The following FAM135B variants were observed in gnomAD, a reference collection of about 807,000 sequenced individuals.
The protein encoded by FAM135B is protein FAM135B.
In FAM135B, 43 loss-of-function variants were observed where a neutral mutation model predicts 127.7. The ratio of observed to expected loss-of-function variants is 0.34; its 90% CI spans 0.26 to 0.43. The LOEUF is 0.43. FAM135B is among the 20% of genes least tolerant of loss of function. The pLI is 1.00. For synonymous variants in FAM135B, 670 were observed against 665.1 expected (o/e 1.01, Z -0.11); for missense variants, 1,558 against 1,725.6 (o/e 0.90, Z 1.72).
chr8:138,450,751 C>T (rs1382949793), intron 1 of FAM135B: 1 of 152,094 alleles, frequency 6.6e-6, no homozygotes, highest in Non-Finnish European at 1.5e-5. Context: ...CCTTCTCATT[C>T]CTTACTCAGC....
At chr8:138,288,289 A>G (rs530126132) in intron 3 of FAM135B, among the ~76,000 whole-genome samples, 37 of 152,318 alleles carry the variant, frequency 2.4e-4, no homozygotes, top group African/African-American at 8.9e-4. Context: ...ATAATCTGTC[A>G]TTGAATAAAT....
At chr8:138,435,824 G>C (rs1835424573) in intron 1 of FAM135B, among the ~76,000 whole-genome samples, 1 of 152,136 alleles carries the variant, frequency 6.6e-6, no homozygotes, top group Non-Finnish European at 1.5e-5. Context: ...TTTAAGGGGT[G>C]ACTTAAGCAA....
intron 7 of FAM135B, among the ~76,000 whole-genome samples, chr8:138,212,846 C>T (rs1818245864): frequency 6.6e-6 from 1 of 152,162 alleles, no homozygotes; most frequent in African/African-American, 2.4e-5. Flanking sequence ...TCAAACTGAA[C>T]AAGCAATTTA....
intron 9 of FAM135B, among the ~76,000 whole-genome samples, chr8:138,182,548 G>C (rs1283153931): frequency 1.3e-5 from 2 of 152,166 alleles, no homozygotes; most frequent in Non-Finnish European, 2.9e-5. Context: ...GCCGAGCTCT[G>C]GGGAGCCAAA....
chr8:138,288,188 A>C (rs931090415), intron 3 of FAM135B, among the ~76,000 whole-genome samples: 2 of 152,182 alleles, frequency 1.3e-5, no homozygotes, highest in African/African-American at 4.8e-5. Context: ...CATGAAATAA[A>C]TTATTACTGA....
intron 17 of FAM135B, among the ~76,000 whole-genome samples, chr8:138,139,648 C>G (rs1816954645): frequency 6.6e-6 from 1 of 152,170 alleles, no homozygotes; most frequent in Non-Finnish European, 1.5e-5. Flanking sequence ...CACCTGTAAT[C>G]CCAGCTACTT....
intron 9 of FAM135B, among the ~76,000 whole-genome samples, chr8:138,189,745 G>A (rs1815940741): frequency 6.6e-6 from 1 of 152,220 alleles, no homozygotes; most frequent in Non-Finnish European, 1.5e-5. Flanking sequence ...GAAGCAGCCA[G>A]CTAGCTCCAG....
chr8:138,134,682 C>A (rs1364008524), intron 19 of FAM135B, among the ~76,000 whole-genome samples: 1 of 151,742 alleles, frequency 6.6e-6, no homozygotes, highest in Non-Finnish European at 1.5e-5. Flanking sequence ...ATTGGTACTT[C>A]TTCCAGAAAA....
chr8:138,270,998 C>T (rs1823330604), intron 3 of FAM135B, among the ~76,000 whole-genome samples: 1 of 152,184 alleles, frequency 6.6e-6, no homozygotes, highest in Non-Finnish European at 1.5e-5. Context: ...ACCCTGTGTG[C>T]CAATGAGATG....
intron 2 of FAM135B, among the ~76,000 whole-genome samples, chr8:138,339,014 A>G (rs1828832433): frequency 6.6e-6 from 1 of 151,682 alleles, no homozygotes; most frequent in Non-Finnish European, 1.5e-5. Context: ...GCAAGGACAA[A>G]AAACCAAACA....
intron 1 of FAM135B, among the ~76,000 whole-genome samples, chr8:138,417,522 T>C (rs924500336): frequency 7.9e-5 from 12 of 152,156 alleles, no homozygotes; most frequent in Non-Finnish European, 1.3e-4. Flanking sequence ...GACCAGCCAC[T>C]GCCCCACCAC....
intron 2 of FAM135B, among the ~76,000 whole-genome samples, chr8:138,321,142 G>A (rs905986342): frequency 6.6e-6 from 1 of 152,158 alleles, no homozygotes; most frequent in Non-Finnish European, 1.5e-5. Context: ...CCTCATGGGC[G>A]AGGAAAGCCA....
chr8:138,251,705 G>A (rs527604799), intron 5 of FAM135B, among the ~76,000 whole-genome samples: 128 of 152,252 alleles, frequency 8.4e-4, no homozygotes, highest in African/African-American at 2.9e-3. Flanking sequence ...CGACCCAACA[G>A]CATCTTTGGT....
chr8:138,157,967 C>A (rs1436800627), intron 12 of FAM135B, among the ~76,000 whole-genome samples: 1 of 152,130 alleles, frequency 6.6e-6, no homozygotes, highest in East Asian at 1.9e-4. Flanking sequence ...TCATAGGGAA[C>A]CAAAAAGGAG....
chr8:138,251,010 T>C lies in FAM135B; in HGVS notation c.373A>G (p.Arg125Gly). 6.2e-7 allele frequency: 1 copy of C among 1,613,894 alleles called. No homozygotes were observed. The highest frequency in any genetic ancestry group is 1.7e-5 in the Admixed American group (1 of 60,010). The stretch of plus-strand genomic sequence containing the variant: ...ACCATCGGTGCCCCAGCCACATCCC[T>C]CAACCTAGAAGGCAAGCATGTGAGC... ...LHFTDSEQQLRDVAGAPMVSS... is the reference protein window; with the variant it reads ...LHFTDSEQQLGDVAGAPMVSS... Residue 125 changes from arginine to glycine, a missense_variant, in exon 6 of 20, where the codon AGG becomes GGG. This residue lies in a region of FAM135B where 199 missense variants were observed against 245.7 expected (regional missense o/e 0.81). Coordinates refer to ENST00000395297, the MANE Select transcript of FAM135B (RefSeq NM_015912.4).
intron 1 of FAM135B, among the ~76,000 whole-genome samples, chr8:138,411,703 T>G (rs1353997863): frequency 6.6e-6 from 1 of 152,092 alleles, no homozygotes; most frequent in African/African-American, 2.4e-5. Context: ...ACAGGCAACC[T>G]ACAGAATGGG....
chr8:138,145,962 A>G lies in FAM135B; in HGVS notation c.3537T>C (p.Asn1179=). The stretch of plus-strand genomic sequence containing the variant: ...TCTGATATTTGTATCATCATACCTG[A>G]TTCTTTTCAGACATTAGGAAGTCCA... The part of the protein sequence containing the change: ...GKLDFLMSEK[N]QMDTFADFDT... The change falls in exon 15 of 20, where the codon AAT becomes AAC. Residue 1179 remains asparagine (N), a synonymous_variant. Transcript: ENST00000395297. 1 of 1,562,738 alleles carries G rather than the reference A, an allele frequency of 6.4e-7. No homozygotes were observed. Among genetic ancestry groups the G allele is most frequent in the Non-Finnish European group, 8.8e-7 (1 of 1,133,552 alleles).
intron 1 of FAM135B, among the ~76,000 whole-genome samples, chr8:138,392,888 A>G (rs1307459987): frequency 5.9e-5 from 9 of 152,022 alleles, no homozygotes; most frequent in Non-Finnish European, 1.3e-4. Flanking sequence ...TTCTGAGAAT[A>G]CTCCTTAATC....
intron 1 of FAM135B, among the ~76,000 whole-genome samples, chr8:138,476,630 G>T (rs1814466887): frequency 6.6e-6 from 1 of 151,956 alleles, no homozygotes; most frequent in Non-Finnish European, 1.5e-5. Flanking sequence ...GCAGAACTCA[G>T]GAATAATTTT....
Sources: allele counts gnomAD v4.1 joint callset (sites outside exome capture counted in the v4.1 genomes callset), GRCh38; gene constraint gnomAD v4.1.1; regional missense constraint gnomAD v4.1.1; transcripts MANE v1.5; gene names NCBI Gene and HGNC (gene_info 2026-07-23, HGNC 2026-07-21).